PPP2R2C: variants seen among roughly 807,000 people sequenced by gnomAD.
PPP2R2C encodes the protein protein phosphatase 2 regulatory subunit Bgamma.
Under a neutral mutation model 45.3 loss-of-function variants are expected in PPP2R2C, and 10 were observed. That is an observed-to-expected ratio of 0.22 (90% CI 0.14 to 0.37). The LOEUF (loss-of-function observed/expected upper bound fraction) is 0.37, where lower values mean the gene tolerates loss of function less well. Ranked by LOEUF, PPP2R2C falls within the 10% of genes least tolerant of loss-of-function variation. The probability of loss-of-function intolerance (pLI) is 1.00; values close to 1 mark genes in which losing one functional copy is unlikely to be tolerated. For synonymous variants in PPP2R2C, 257 were observed against 245.4 expected (o/e 1.05, Z -0.44); for missense variants, 308 against 619.7 (o/e 0.50, Z 5.34).
At chr4:6,402,995 G>T (rs796565919) in intron 1 of PPP2R2C, among the ~76,000 whole-genome samples, 5 of 152,288 alleles carry the variant, frequency 3.3e-5, no homozygotes, top group African/African-American at 1.2e-4. Flanking sequence ...CACGTCTCCC[G>T]GCTCACTCAC....
chr4:6,383,977 G>T, intron 1 of PPP2R2C: 2 of 986,226 alleles, frequency 2.0e-6, no homozygotes, highest in Non-Finnish European at 2.4e-6. Context: ...TGACGGGCTG[G>T]ACGTATCCAT....
At chr4:6,524,163 C>T (rs1194822115) in intron 2 of PPP2R2C, among the ~76,000 whole-genome samples, 13 of 152,210 alleles carry the variant, frequency 8.5e-5, no homozygotes, top group Admixed American at 7.8e-4. Context: ...CTCAAGTGAT[C>T]AGCCTGCCTC....
rs58289561 is a variant in PPP2R2C at position 6,469,658 on chromosome 4, G to T, written c.70+2502C>A. 8.2e-3 allele frequency among the ~76,000 whole-genome samples: 1,248 copies of T among 152,274 alleles called. 24 individuals are homozygous for T. The highest frequency in any genetic ancestry group is 0.028 in the African/African-American group (1,176 of 41,540). On this transcript the variant is annotated intron_variant, in intron 1 of 8. Coordinates refer to ENST00000382599, the MANE Select transcript of PPP2R2C (RefSeq NM_020416.4). The stretch of plus-strand genomic sequence containing the variant: ...CAAAGGGAAAGTGAAGCTCAGGAAG[G>T]TGTAGTAACTTGTCCAAGGCTGCAC...
chr4:6,400,994 C>T (rs1401497144), intron 1 of PPP2R2C, among the ~76,000 whole-genome samples: 1 of 152,168 alleles, frequency 6.6e-6, no homozygotes, highest in Admixed American at 6.5e-5. Flanking sequence ...TAGAGACGTT[C>T]CCACACACGT....
intron 2 of PPP2R2C, among the ~76,000 whole-genome samples, chr4:6,529,404 C>G (rs1577241597): frequency 6.6e-6 from 1 of 152,258 alleles, no homozygotes; most frequent in South Asian, 2.1e-4. Context: ...GCAGGGGGCT[C>G]ATAGTCAATG....
chr4:6,510,994 C>CAAAAAA (rs200316130), intron 2 of PPP2R2C, among the ~76,000 whole-genome samples: 1 of 33,226 alleles, frequency 3.0e-5, no homozygotes, highest in East Asian at 7.9e-4. Context: ...AAAAAACAAA[C>CAAAAAA]AAACAAAAAA....
At chr4:6,546,685 G>A (rs1279087619) in intron 1 of PPP2R2C, among the ~76,000 whole-genome samples, 1 of 152,200 alleles carries the variant, frequency 6.6e-6, no homozygotes, top group Non-Finnish European at 1.5e-5. Context: ...CCAAAGGTGT[G>A]TTCGTTTTCA....
Position 6,345,799 on chromosome 4 carries a change from A to G in PPP2R2C, c.790+2047T>C, listed in dbSNP as rs917503027. 7.2e-5 allele frequency among the ~76,000 whole-genome samples: 11 copies of G among 152,116 alleles called. No homozygotes were observed. Among genetic ancestry groups the G allele is most frequent in the African/African-American group, 2.7e-4 (11 of 41,426 alleles). On this transcript the variant is annotated intron_variant, in intron 6 of 8. Coordinates refer to ENST00000382599, the MANE Select transcript of PPP2R2C (RefSeq NM_020416.4). This position sits in a 1 kb window ranked among gnomAD's most constrained non-coding sequence, Gnocchi z 5.3. ...TCCTTTGTTGTGGCGCACAGGACGC[A>G]GCCCCGAGCCCCCTGCACCCCGGGA...
At chr4:6,431,365 G>A (rs1719605896) in intron 1 of PPP2R2C, among the ~76,000 whole-genome samples, 1 of 152,224 alleles carries the variant, frequency 6.6e-6, no homozygotes, top group African/African-American at 2.4e-5. Context: ...AGAACACCAT[G>A]GAGGGGCCCT....
In PPP2R2C at chr4:6,378,664, C is replaced by A; in HGVS notation, c.169-92G>T. The A allele has an allele frequency of 7.3e-7, 1 of 1,371,764 alleles. No homozygotes were observed. Among genetic ancestry groups the A allele is most frequent in the Non-Finnish European group, 1.0e-6 (1 of 1,002,646 alleles). 85.0% of individuals were successfully genotyped at this position (1,371,764 alleles called of 1,614,324 possible). A position where few individuals can be genotyped will look rare whatever the true frequency, so the allele number is the denominator to read the frequency against. On this transcript the variant is annotated intron_variant, in intron 2 of 8. Coordinates refer to ENST00000382599, the MANE Select transcript of PPP2R2C (RefSeq NM_020416.4). The surrounding 1 kb of genome is among the most constrained non-coding windows in gnomAD (Gnocchi z 5.2). ...GGACCCAGCAGGGCCGGCCGTGGGA[C>A]CAAGTGCCGAGCCGTGCCAGGGATC...
chr4:6,452,197 G>A (rs371899587), intron 1 of PPP2R2C, among the ~76,000 whole-genome samples: 10 of 152,224 alleles, frequency 6.6e-5, no homozygotes, highest in East Asian at 5.8e-4. Flanking sequence ...GCTGCCAAAC[G>A]GACACTGCCA....
intron 2 of PPP2R2C, among the ~76,000 whole-genome samples, chr4:6,513,929 G>A (rs1723752580): frequency 6.6e-6 from 1 of 152,194 alleles, no homozygotes; most frequent in Non-Finnish European, 1.5e-5. Context: ...GAAATATTTT[G>A]CAAATCTCTG....
chr4:6,445,872 A>C (rs545064076), intron 1 of PPP2R2C, among the ~76,000 whole-genome samples: 1 of 152,340 alleles, frequency 6.6e-6, no homozygotes, highest in African/African-American at 2.4e-5. Flanking sequence ...CCCTCTGCCC[A>C]CAGTGTCGCA....
At chr4:6,487,450 T>G (rs1722564831) in intron 2 of PPP2R2C, among the ~76,000 whole-genome samples, 1 of 152,038 alleles carries the variant, frequency 6.6e-6, no homozygotes, top group Non-Finnish European at 1.5e-5. Flanking sequence ...TTGCTTTTAT[T>G]CTTGAAAGAT....
At chr4:6,369,052 G>A (rs1033529389) in intron 5 of PPP2R2C, among the ~76,000 whole-genome samples, 26 of 152,340 alleles carry the variant, frequency 1.7e-4, no homozygotes, top group African/African-American at 6.3e-4. Flanking sequence ...TAACATTGAA[G>A]CACATGTTTA....
intron 1 of PPP2R2C, among the ~76,000 whole-genome samples, chr4:6,394,579 T>C (rs1442734666): frequency 2.6e-5 from 4 of 152,200 alleles, no homozygotes; most frequent in Admixed American, 2.6e-4. Context: ...ATTTGCAAAA[T>C]GGCAATAAGA....
chr4:6,525,383 C>T (rs964090233), intron 2 of PPP2R2C, among the ~76,000 whole-genome samples: 4 of 151,704 alleles, frequency 2.6e-5, no homozygotes, highest in African/African-American at 4.8e-5. Context: ...CCAGCCTGGG[C>T]GACAGAGTGC....
intron 1 of PPP2R2C, among the ~76,000 whole-genome samples, chr4:6,450,592 C>T (rs1013560332): frequency 6.6e-6 from 1 of 152,120 alleles, no homozygotes; most frequent in African/African-American, 2.4e-5. Flanking sequence ...TAAGGAACGC[C>T]AGGAGAGACC....
In PPP2R2C at chr4:6,330,563, G is replaced by A. The variant is rs1309021744; in HGVS notation, c.961-1210C>T. On this transcript the variant is annotated intron_variant, in intron 7 of 8. Coordinates refer to ENST00000382599, the MANE Select transcript of PPP2R2C (RefSeq NM_020416.4). This position sits in a 1 kb window ranked among gnomAD's most constrained non-coding sequence, Gnocchi z 7.0. Reference sequence around the variant, plus strand: ...ACCTCCCTGAGGACCGGGGGATTCCGCTAACAGATGCGTGTGGGCTCGCAT... The same window carrying A: ...ACCTCCCTGAGGACCGGGGGATTCCACTAACAGATGCGTGTGGGCTCGCAT... 6.6e-6 allele frequency among the ~76,000 whole-genome samples: 1 copy of A among 152,140 alleles called. No homozygotes were observed. Among genetic ancestry groups the A allele is most frequent in the Non-Finnish European group, 1.5e-5 (1 of 68,034 alleles).
Sources: gnomAD v4.1 joint callset for allele counts (sites outside exome capture counted in the v4.1 genomes callset) on GRCh38, gnomAD v4.1.1 for gene constraint, Gnocchi (gnomAD v3.1) non-coding constraint, MANE v1.5 for transcripts, NCBI Gene and HGNC (gene_info 2026-07-23, HGNC 2026-07-21) for gene names.